Variants in HCN1 observed in about 807,000 individuals in gnomAD.
HCN1 encodes hyperpolarization activated cyclic nucleotide gated potassium channel 1.
HCN1 carries 13 observed loss-of-function variants against 78.9 expected under a neutral mutation model. That is an observed-to-expected ratio of 0.16 (90% confidence interval 0.11 to 0.26). The LOEUF is 0.26. Ranked by LOEUF, HCN1 falls within the 10% of genes least tolerant of loss-of-function variation. The pLI is 1.00. For missense variants in HCN1, 810 were observed against 1,154.3 expected (o/e 0.70, Z 4.32); for synonymous variants, 552 against 455.5 (o/e 1.21, Z -2.70).
intron 6 of HCN1, among the ~76,000 whole-genome samples, chr5:45,270,904 C>A (rs1234416788): frequency 3.3e-5 from 5 of 151,984 alleles, no homozygotes; most frequent in Non-Finnish European, 5.9e-5. Context: ...TTTTTCTAAA[C>A]CATTATTTAC....
Position 45,596,244 on chromosome 5 carries a change from C to A in HCN1, c.849+48941G>T, listed in dbSNP as rs148695647. Among the ~76,000 whole-genome samples the A allele has an allele frequency of 1.3e-4, 20 of 152,180 alleles. No individual in the cohort carries two copies. In the East Asian group the frequency reaches 3.3e-3, roughly 25 times the overall value. ...TTGCAATAGGTTTATCAGGACATAA[C>A]CTAACTGTAAGTTGAGAAGCTTCTG... On this transcript the variant is annotated intron_variant, in intron 2 of 7. Transcript: ENST00000303230.
At chr5:45,467,769 C>A (rs890641492) in intron 2 of HCN1, among the ~76,000 whole-genome samples, 3 of 152,016 alleles carry the variant, frequency 2.0e-5, no homozygotes, top group African/African-American at 7.2e-5. Context: ...TAGTTGAATT[C>A]CCTCAACTTT....
chr5:45,687,510 A>G (rs1172081195), intron 1 of HCN1, among the ~76,000 whole-genome samples: 1 of 151,996 alleles, frequency 6.6e-6, no homozygotes, highest in Admixed American at 6.6e-5. Flanking sequence ...CATTTCATCC[A>G]AGAGCTGTTT....
In HCN1 at chr5:45,596,015, C is replaced by A. The variant is rs1235383505; in HGVS notation, c.849+49170G>T. 2.6e-5 allele frequency among the ~76,000 whole-genome samples: 4 copies of A among 152,022 alleles called. No homozygotes were observed. The South Asian group carries it at 8.3e-4, about 32-fold the overall frequency. On this transcript the variant is annotated intron_variant, in intron 2 of 7. Transcript: ENST00000303230. ...CGACATTCTCCCGCCCCCGCCTCAG[C>A]CTCCCGAGTAGCTGGGACTACAGGG...
At chr5:45,490,502 T>G (rs984060296) in intron 2 of HCN1, among the ~76,000 whole-genome samples, 7 of 152,164 alleles carry the variant, frequency 4.6e-5, no homozygotes, top group Non-Finnish European at 1.0e-4. Context: ...CTTACCAAAC[T>G]GCTTCTTTCT....
intron 2 of HCN1, among the ~76,000 whole-genome samples, chr5:45,511,746 T>G (rs2111757949): frequency 6.6e-6 from 1 of 152,056 alleles, no homozygotes; most frequent in East Asian, 1.9e-4. Context: ...TTGGTTGGGA[T>G]CCCAGAAGAG....
At chr5:45,338,116 A>G (rs772802503) in intron 5 of HCN1, among the ~76,000 whole-genome samples, 31 of 152,278 alleles carry the variant, frequency 2.0e-4, no homozygotes, top group Middle Eastern at 6.8e-3. Flanking sequence ...AGTCTGAACT[A>G]TAAAATGGAT....
chr5:45,501,177 T>A (rs1369909232), intron 2 of HCN1, among the ~76,000 whole-genome samples: 1 of 152,204 alleles, frequency 6.6e-6, no homozygotes, highest in Non-Finnish European at 1.5e-5. Flanking sequence ...ATATCTACTT[T>A]CAGGGAGAAA....
intron 4 of HCN1, among the ~76,000 whole-genome samples, chr5:45,379,152 C>T (rs561560015): frequency 3.9e-5 from 6 of 152,090 alleles, no homozygotes; most frequent in East Asian, 1.9e-4. Flanking sequence ...TGGGATGGTT[C>T]GGTCAAATGG....
chr5:45,392,577 C>G (rs1286928810), intron 4 of HCN1, among the ~76,000 whole-genome samples: 1 of 152,060 alleles, frequency 6.6e-6, no homozygotes, highest in East Asian at 1.9e-4. Context: ...TGGCTCATGC[C>G]TGTAACCCTA....
At chr5:45,344,840 G>A (rs927046891) in intron 5 of HCN1, among the ~76,000 whole-genome samples, 2 of 152,262 alleles carry the variant, frequency 1.3e-5, no homozygotes, top group Middle Eastern at 6.8e-3. Context: ...GGTGCAAGAT[G>A]TTGGTGGATC....
intron 4 of HCN1, among the ~76,000 whole-genome samples, chr5:45,384,351 GT>G (rs1333591889): frequency 1.3e-5 from 2 of 152,070 alleles, no homozygotes; most frequent in African/African-American, 2.4e-5. Flanking sequence ...TTGGAATAAT[GT>G]GAGATCTATG....
chr5:45,416,973 T>C (rs992882660), intron 3 of HCN1, among the ~76,000 whole-genome samples: 1 of 152,016 alleles, frequency 6.6e-6, no homozygotes, highest in Non-Finnish European at 1.5e-5. Flanking sequence ...CTTCCTAGAA[T>C]CATTCATGTA....
chr5:45,361,186 G>T (rs952257362), intron 4 of HCN1, among the ~76,000 whole-genome samples: 3 of 152,084 alleles, frequency 2.0e-5, no homozygotes, highest in African/African-American at 7.2e-5. Flanking sequence ...TTACAGGCAT[G>T]CATCTCCACG....
intron 1 of HCN1, among the ~76,000 whole-genome samples, chr5:45,659,345 A>C (rs1427270850): frequency 1.7e-5 from 2 of 118,636 alleles, no homozygotes; most frequent in East Asian, 5.7e-4. Flanking sequence ...AAAACCACAA[A>C]GATGGGGAAA....
intron 3 of HCN1, among the ~76,000 whole-genome samples, chr5:45,446,113 C>G (rs1481932296): frequency 6.6e-6 from 1 of 152,066 alleles, no homozygotes; most frequent in East Asian, 1.9e-4. Flanking sequence ...AAATTCAAAC[C>G]AAAGGCAAAG....
chr5:45,280,254 TA>T lies in HCN1; in HGVS notation c.1619-13002del, dbSNP rs1272246703. Among the ~76,000 whole-genome samples, 3 of 152,244 alleles carry T rather than the reference TA, an allele frequency of 2.0e-5. No individual in the cohort carries two copies. The East Asian group carries it at 5.8e-4, about 29-fold the overall frequency. ...TCATCACTATCATAGCAGAAACTCC[TA>T]GACAGAAAGATGAAAGACAACTGGA... On this transcript the variant is annotated intron_variant, in intron 6 of 7. Transcript: ENST00000303230.
chr5:45,472,191 C>T (rs1417908362), intron 2 of HCN1, among the ~76,000 whole-genome samples: 33 of 151,882 alleles, frequency 2.2e-4, no homozygotes, highest in Admixed American at 2.0e-3. Flanking sequence ...CATTTGTTTA[C>T]ATGCTATTCT....
At chr5:45,623,656 T>C (rs1172793622) in intron 2 of HCN1, among the ~76,000 whole-genome samples, 1 of 152,194 alleles carries the variant, frequency 6.6e-6, no homozygotes, top group Non-Finnish European at 1.5e-5. Flanking sequence ...AACTATTCAT[T>C]CAACAAATAA....
Sources: allele counts gnomAD v4.1 joint callset (sites outside exome capture counted in the v4.1 genomes callset), GRCh38; gene constraint gnomAD v4.1.1; transcripts MANE v1.5; gene names NCBI Gene and HGNC (gene_info 2026-07-23, HGNC 2026-07-21).